The following ODAM variants were observed in gnomAD, a reference collection of about 807,000 sequenced individuals.
ODAM encodes the protein odontogenic, ameloblast associated.
ODAM carries 55 observed loss-of-function variants against 48.5 expected under a neutral mutation model. The observed-to-expected ratio is 1.13, with a 90% CI of 0.91 to 1.42. ODAM has a LOEUF of 1.42. Ranked by LOEUF, ODAM falls within the 40% of genes most tolerant of loss-of-function variation. The pLI is 0.00. For synonymous variants in ODAM, 127 were observed against 107.8 expected (o/e 1.18, Z -1.10); for missense variants, 353 against 323.6 (o/e 1.09, Z -0.70).
rs188812959 is a variant in ODAM, at chr4:70,196,734, G to A, written c.93+1G>A. 23 of 1,601,776 alleles carry A rather than the reference G, an allele frequency of 1.4e-5. No individual in the cohort carries two copies. In the Admixed American group the frequency reaches 2.9e-4, roughly 20 times the overall value. On this transcript the variant is annotated splice_donor_variant, in intron 3 of 11. Coordinates refer to ENST00000683306, the MANE Select transcript of ODAM (RefSeq NM_017855.4). LOFTEE classifies it high-confidence loss of function. ...CATGTCTGCCAGCAATAGCAATGAG[G>A]TTAGTTTAAATAATTAAAACAATCT...
At chr4:70,200,445 G>T (rs1578237828) in intron 6 of ODAM, 52 bp from the exon 7 acceptor site, 1 of 951,078 alleles carries the variant, frequency 1.1e-6, no homozygotes, top group East Asian at 2.5e-5. Context: ...TAAAAAGTAT[G>T]TCCTATGCTG....
At position 70,196,539 on chromosome 4, in the gene ODAM, C is replaced by T. The variant is rs3756132; in HGVS notation, c.-5C>T. 413,890 of 1,539,130 alleles carry T rather than the reference C, an allele frequency of 0.27. 60,627 individuals carry two copies. Among genetic ancestry groups the T allele is most frequent in the South Asian group, 0.47 (39,318 of 84,234 alleles). On this transcript the variant is annotated 5_prime_UTR_variant, in exon 2 of 12. In the 5' UTR this introduces an upstream ATG that the reference lacks. Coordinates refer to ENST00000683306, the MANE Select transcript of ODAM (RefSeq NM_017855.4). ...CAACTTATTTTCTAGATATATCATACGAAAATGAAAATTATAATTCTTCTT... is the reference window on the plus strand; with the variant it reads ...CAACTTATTTTCTAGATATATCATATGAAAATGAAAATTATAATTCTTCTT...
intron 5 of ODAM, 62 bp downstream of exon 5, chr4:70,198,219 G>T: frequency 7.3e-7 from 1 of 1,364,094 alleles, no homozygotes; most frequent in South Asian, 1.3e-5. Flanking sequence ...ATCTGACAAT[G>T]AATATGAATC....
At chr4:70,196,488 T>C in intron 1 of ODAM, 41 bp from the exon 2 acceptor site, 1 of 1,108,530 alleles carries the variant, frequency 9.0e-7, no homozygotes, top group Non-Finnish European at 1.3e-6. Flanking sequence ...GAATTTTAAG[T>C]AATGTCTTTA....
rs1157408590 is a variant in ODAM at position 70,200,491 on chromosome 4, A to G, written c.424-6A>G. On this transcript the variant is annotated splice_polypyrimidine_tract_variant and splice_region_variant and intron_variant, in intron 6 of 11. Coordinates refer to ENST00000683306, the MANE Select transcript of ODAM (RefSeq NM_017855.4). ...ATCTCTTGTATCCTTCTCTTTTTAC[A>G]AGTAGATGTTTCAATACTATCCAGT... 3.3e-6 allele frequency: 5 copies of G among 1,512,036 alleles called. No homozygotes were observed. The highest frequency in any genetic ancestry group is 1.4e-5 in the African/African-American group (1 of 72,448). The allele number at this position is 1,512,036 out of a possible 1,614,324, so 93.7% of individuals were successfully genotyped here. A position where few individuals can be genotyped will look rare whatever the true frequency, so the allele number is the denominator to read the frequency against.
chr4:70,196,776 G>T, intron 3 of ODAM, 43 bp downstream of exon 3: 1 of 1,484,250 alleles, frequency 6.7e-7, no homozygotes, highest in South Asian at 1.2e-5. Flanking sequence ...TTTTTTAATG[G>T]AAATCAAGTG....
At chr4:70,197,411 C>T in intron 4 of ODAM, 90 bp downstream of exon 4, 2 of 816,246 alleles carry the variant, frequency 2.5e-6, no homozygotes, top group Admixed American at 2.1e-5. Flanking sequence ...TTTCCTGATC[C>T]TATTTTGGAA....
At chr4:70,196,089 C>G (rs1373235255) in intron 1 of ODAM, among the ~76,000 whole-genome samples, 1 of 151,916 alleles carries the variant, frequency 6.6e-6, no homozygotes, top group Non-Finnish European at 1.5e-5. Context: ...TGGTATTGGA[C>G]TGGTATTGTC....
chr4:70,196,703 G>A lies in ODAM; in HGVS notation c.63G>A (p.Gln21=). The change falls in exon 3 of 12, where the codon CAG becomes CAA. Residue 21 remains glutamine, a synonymous_variant. Coordinates refer to ENST00000683306, the MANE Select transcript of ODAM (RefSeq NM_017855.4). ...GATLSAPLIP[Q]RLMSASNSNE... ...ATTTTTACTTTTAGCTTATCCCACA[G>A]CGTCTCATGTCTGCCAGCAATAGCA... 1.2e-6 allele frequency: 2 copies of A among 1,606,486 alleles called. No homozygotes were observed. Among genetic ancestry groups the A allele is most frequent in the Non-Finnish European group, 1.7e-6 (2 of 1,176,420 alleles).
At chr4:70,198,664 A>T (rs1310774522) in intron 6 of ODAM, 38 bp downstream of exon 6, 1 of 1,503,824 alleles carries the variant, frequency 6.6e-7, no homozygotes, top group East Asian at 2.3e-5. Flanking sequence ...AGAGATGGCT[A>T]CATACACTCT....
chr4:70,201,545 T>G lies in ODAM; in HGVS notation c.576+44T>G, dbSNP rs550948789. On this transcript the variant is annotated intron_variant, in intron 8 of 11. Transcript: ENST00000683306. ...TTCATTAAAAATATTTTGAAACTAC[T>G]TCCTTCATTGTCTACTAAATCTATC... The G allele has an allele frequency of 8.7e-6, 9 of 1,028,806 alleles. No individual in the cohort carries two copies. The South Asian group carries it at 1.2e-4, about 14-fold the overall frequency. 63.7% of individuals were successfully genotyped at this position (1,028,806 alleles called of 1,614,324 possible).
chr4:70,198,762 G>T (rs1578237009), intron 6 of ODAM, 136 bp downstream of exon 6: 3 of 735,296 alleles, frequency 4.1e-6, no homozygotes, highest in Non-Finnish European at 6.9e-6. Context: ...TAACATCATT[G>T]CTGGGCTAGT....
chr4:70,198,137 A>C lies in ODAM; in HGVS notation c.355A>C (p.Thr119Pro). 1 of 1,613,130 alleles carries C rather than the reference A, an allele frequency of 6.2e-7. No individual in the cohort carries two copies. The highest frequency in any genetic ancestry group is 8.5e-7 in the Non-Finnish European group (1 of 1,179,464). Reference protein sequence around the residue: ...DPLQLQTPPQTQPGPSHVMPY... With the variant: ...DPLQLQTPPQPQPGPSHVMPY... ...CTTACAGCTTCAAACACCGCCTCAG[A>C]CACAACCAGGCCCCAGTCACGTAAG... Residue 119 changes from threonine to proline, a missense_variant, in exon 5 of 12, where the codon ACA becomes CCA. Physicochemically the swap from Thr to Pro is conservative, Grantham distance 38 (BLOSUM62 -1). Transcript: ENST00000683306.
chr4:70,197,773 T>C, intron 4 of ODAM, 151 bp from the exon 5 acceptor site: 1 of 648,822 alleles, frequency 1.5e-6, no homozygotes, highest in Non-Finnish European at 2.7e-6. Context: ...ATTTGCTTGG[T>C]TCAAAATGAA....
chr4:70,202,108 T>C (rs530393877), intron 8 of ODAM, 150 bp from the exon 9 acceptor site: 5 of 631,660 alleles, frequency 7.9e-6, no homozygotes, highest in Admixed American at 2.6e-5. Flanking sequence ...GCCAGTTCTC[T>C]AATAGCAAAA....
intron 9 of ODAM, 121 bp downstream of exon 9, chr4:70,202,450 C>A: frequency 1.2e-6 from 1 of 848,464 alleles, no homozygotes; most frequent in Non-Finnish European, 1.9e-6. Flanking sequence ...GCTTCTTCTT[C>A]TTCTTACAAT....
chr4:70,196,684 A>C lies in ODAM; in HGVS notation c.52-8A>C. ...TATTTCTGATTTTTTTTTCATTTTT[A>C]CTTTTAGCTTATCCCACAGCGTCTC... On this transcript the variant is annotated splice_region_variant and splice_polypyrimidine_tract_variant and intron_variant, in intron 2 of 11. Coordinates refer to ENST00000683306, the MANE Select transcript of ODAM (RefSeq NM_017855.4). 6.2e-7 allele frequency: 1 copy of C among 1,606,312 alleles called. No individual in the cohort carries two copies. The highest frequency in any genetic ancestry group is 8.5e-7 in the Non-Finnish European group (1 of 1,176,312).
intron 6 of ODAM, chr4:70,200,285 C>T (rs557449718): frequency 2.2e-6 from 1 of 456,888 alleles, no homozygotes; most frequent in African/African-American, 2.1e-5. Flanking sequence ...TGTGTTTGCC[C>T]AAGCAACCTT....
At chr4:70,202,627 T>C in intron 9 of ODAM, 129 bp from the exon 10 acceptor site, 2 of 668,532 alleles carry the variant, frequency 3.0e-6, no homozygotes, top group Middle Eastern at 3.8e-4. Context: ...CTAAAAATAC[T>C]AATAATAGCA....
Sources: allele counts gnomAD v4.1 joint callset (sites outside exome capture counted in the v4.1 genomes callset), GRCh38; gene constraint gnomAD v4.1.1; transcripts MANE v1.5; gene names NCBI Gene and HGNC (gene_info 2026-07-23, HGNC 2026-07-21).